The following BCO1 variants were observed in gnomAD, a reference collection of about 807,000 sequenced individuals.
BCO1 encodes beta-carotene oxygenase 1.
In BCO1, 54 loss-of-function variants were observed where a neutral mutation model predicts 56.3. That is an observed-to-expected ratio of 0.96 (90% CI 0.77 to 1.20). BCO1 has a LOEUF of 1.20. Among genes scored for constraint, BCO1 ranks in the 50% most tolerant of loss-of-function variants. The pLI is 0.00. For missense variants in BCO1, 801 were observed against 690.9 expected, an observed-to-expected ratio of 1.16 and a Z score of -1.79; for synonymous variants, 318 against 266.1, an observed-to-expected ratio of 1.20 and a Z score of -1.90.
At chr16:81,283,228 C>T (rs1297102528) in intron 8 of BCO1, among the ~76,000 whole-genome samples, 1 of 152,072 alleles carries the variant, frequency 6.6e-6, no homozygotes, top group East Asian at 1.9e-4. Flanking sequence ...AAGGACCGGG[C>T]ATGGTGATTC....
At chr16:81,257,007 T>C (rs1352530541) in intron 2 of BCO1, among the ~76,000 whole-genome samples, 1 of 152,148 alleles carries the variant, frequency 6.6e-6, no homozygotes, top group African/African-American at 2.4e-5. Context: ...CCAGCCGAAC[T>C]CAACGCCTGC....
intron 8 of BCO1, among the ~76,000 whole-genome samples, chr16:81,282,389 A>AAAAAAC (rs1257798869): frequency 5.9e-5 from 9 of 152,120 alleles, no homozygotes; most frequent in Non-Finnish European, 8.8e-5. Flanking sequence ...AACAAAAAAC[A>AAAAAAC]AAAAACAAAA....
intron 7 of BCO1, among the ~76,000 whole-genome samples, chr16:81,278,414 C>T (rs1438452512): frequency 6.6e-6 from 1 of 152,144 alleles, no homozygotes; most frequent in African/African-American, 2.4e-5. Context: ...TCATTTGATT[C>T]TTACAGCCAC....
At chr16:81,249,886 C>T (rs899736359) in intron 2 of BCO1, among the ~76,000 whole-genome samples, 1 of 152,098 alleles carries the variant, frequency 6.6e-6, no homozygotes, top group Non-Finnish European at 1.5e-5. Flanking sequence ...GCCCAGAGTG[C>T]GGGGAGCCTG....
At chr16:81,262,512 C>G in intron 4 of BCO1, 1 of 537,116 alleles carries the variant, frequency 1.9e-6, no homozygotes. Flanking sequence ...GTAACCAAGT[C>G]CTACAAAAAA....
At chr16:81,281,017 G>T (rs1907852039) in intron 8 of BCO1, 55 bp downstream of exon 8, 2 of 1,272,458 alleles carry the variant, frequency 1.6e-6, no homozygotes, top group Non-Finnish European at 2.3e-6. Flanking sequence ...TTCACAGGGA[G>T]CCCAGAGGCC....
rs1044944025 is a variant in BCO1, at chr16:81,267,944, C to G, written c.656C>G (p.Thr219Arg). 2 of 1,613,854 alleles carry G rather than the reference C, an allele frequency of 1.2e-6. No homozygotes were observed. The highest frequency in any genetic ancestry group is 2.2e-5 in the East Asian group (1 of 44,868). ...CAGGGGAAGAGCCCCTGGAAGCACACAGAGGTGTTCTGCTCCATCCCATCC... is the reference window on the plus strand; with the variant it reads ...CAGGGGAAGAGCCCCTGGAAGCACAGAGAGGTGTTCTGCTCCATCCCATCC... ...KKQGKSPWKH[T>R]EVFCSIPSRS... is the part of the protein sequence containing the mutation. Residue 219 changes from threonine to arginine, a missense_variant, in exon 6 of 11, where the codon ACA becomes AGA. Transcript: ENST00000258168.
In BCO1 at chr16:81,270,178, A is replaced by C. The variant is rs776889148; in HGVS notation, c.863A>C (p.Asp288Ala). ...TTTCAGACTTATATCCACATCATCG[A>C]CCAAAGGACCAGGCAGCCTGTGCAG... ...REEKTYIHII[D>A]QRTRQPVQTK... Residue 288 changes from aspartate to alanine, a missense_variant, in exon 7 of 11, where the codon GAC becomes GCC. Physicochemically the swap from Asp to Ala is moderately radical, Grantham distance 126 (BLOSUM62 -2). Transcript: ENST00000258168. 3 of 1,614,132 alleles carry C rather than the reference A, an allele frequency of 1.9e-6. No individual in the cohort carries two copies. The South Asian group carries it at 3.3e-5, about 18-fold the overall frequency.
intron 2 of BCO1, among the ~76,000 whole-genome samples, chr16:81,251,596 A>G (rs1376667552): frequency 6.6e-6 from 1 of 151,940 alleles, no homozygotes; most frequent in Admixed American, 6.6e-5. Context: ...AAAAAATAAC[A>G]AAGATATGAA....
At chr16:81,254,255 A>T (rs1046764263) in intron 2 of BCO1, among the ~76,000 whole-genome samples, 1 of 144,554 alleles carries the variant, frequency 6.9e-6, no homozygotes, top group East Asian at 2.1e-4. Context: ...CAGCCTCCTG[A>T]GTAGCTGGGA....
intron 3 of BCO1, among the ~76,000 whole-genome samples, chr16:81,260,089 C>G (rs1906391804): frequency 6.6e-6 from 1 of 152,150 alleles, no homozygotes; most frequent in Non-Finnish European, 1.5e-5. Flanking sequence ...TAGAGATCTG[C>G]TTACTTGCAT....
intron 2 of BCO1, among the ~76,000 whole-genome samples, chr16:81,256,077 A>C (rs1906117898): frequency 6.6e-6 from 1 of 151,176 alleles, no homozygotes; most frequent in African/African-American, 2.4e-5. Flanking sequence ...CTACCTCCCA[A>C]ATTGCTAGGA....
intron 2 of BCO1, among the ~76,000 whole-genome samples, chr16:81,256,036 G>C (rs1485025395): frequency 6.6e-6 from 1 of 151,504 alleles, no homozygotes; most frequent in African/African-American, 2.4e-5. Context: ...GGCTGGTCTT[G>C]AACTCCTGAC....
intron 2 of BCO1, among the ~76,000 whole-genome samples, 156 bp from the exon 3 acceptor site, chr16:81,259,520 T>G (rs947450736): frequency 6.6e-6 from 1 of 152,078 alleles, no homozygotes; most frequent in Non-Finnish European, 1.5e-5. Context: ...AAAATTATAT[T>G]TAAAATGCGA....
chr16:81,267,004 G>T (rs182631018), intron 5 of BCO1, among the ~76,000 whole-genome samples: 1 of 152,334 alleles, frequency 6.6e-6, no homozygotes, highest in Admixed American at 6.5e-5. Context: ...CGTAGGCCTG[G>T]GTGGGGAGGC....
chr16:81,273,117 G>A (rs1032057044), intron 7 of BCO1, among the ~76,000 whole-genome samples: 2 of 152,102 alleles, frequency 1.3e-5, no homozygotes, highest in African/African-American at 2.4e-5. Context: ...TTACAGGCAT[G>A]TGCCAGCACA....
At chr16:81,278,911 A>T in intron 7 of BCO1, among the ~76,000 whole-genome samples, 1 of 152,170 alleles carries the variant, frequency 6.6e-6, no homozygotes, top group East Asian at 1.9e-4. Flanking sequence ...TTCAGCTGCT[A>T]AGTTGCAGTA....
intron 5 of BCO1, among the ~76,000 whole-genome samples, chr16:81,266,833 G>A (rs557329557): frequency 5.3e-5 from 8 of 152,280 alleles, no homozygotes; most frequent in Middle Eastern, 3.4e-3. Context: ...CCAGGCCACA[G>A]TGCTTTTCGT....
intron 7 of BCO1, 46 bp from the exon 8 acceptor site, chr16:81,280,811 G>C: frequency 3.6e-6 from 5 of 1,370,356 alleles, no homozygotes; most frequent in Non-Finnish European, 5.2e-6. Flanking sequence ...TGTTTGCTCT[G>C]GATTACACGT....
Sources: gnomAD v4.1 joint callset for allele counts (sites outside exome capture counted in the v4.1 genomes callset) on GRCh38, gnomAD v4.1.1 for gene constraint, MANE v1.5 for transcripts, NCBI Gene and HGNC (gene_info 2026-07-23, HGNC 2026-07-21) for gene names.